ADCY2: variants seen among roughly 807,000 people sequenced by gnomAD.
ADCY2 encodes adenylate cyclase 2.
A neutral mutation model predicts 125.2 loss-of-function variants in ADCY2; 31 were observed. The ratio of observed to expected loss-of-function variants is 0.25; its 90% CI spans 0.19 to 0.33. The LOEUF (loss-of-function observed/expected upper bound fraction) is 0.33, where lower values mean the gene tolerates loss of function less well. Among genes scored for constraint, ADCY2 ranks in the 10% least tolerant of loss-of-function variants. ADCY2 has a pLI of 1.00. For missense variants in ADCY2, 904 were observed against 1,418.2 expected (o/e 0.64, Z 5.82); for synonymous variants, 512 against 548.4 (o/e 0.93, Z 0.93).
At chr5:7,630,480 A>G (rs1217711695) in intron 4 of ADCY2, among the ~76,000 whole-genome samples, 1 of 152,186 alleles carries the variant, frequency 6.6e-6, no homozygotes, top group Non-Finnish European at 1.5e-5. Flanking sequence ...CTTTATGTGT[A>G]CTGTTGTATC....
chr5:7,550,642 G>A (rs547348832), intron 3 of ADCY2, among the ~76,000 whole-genome samples: 1 of 152,216 alleles, frequency 6.6e-6, no homozygotes, highest in East Asian at 1.9e-4. Context: ...TTGCCCCACA[G>A]CCAGCATCCC....
At chr5:7,720,017 G>GA (rs34520807) in intron 12 of ADCY2, among the ~76,000 whole-genome samples, 68,259 of 150,290 alleles carry the variant, frequency 0.45, 16,475 homozygotes, top group East Asian at 0.95. Context: ...CTTGACAAAA[G>GA]AAAAAAAAAG....
intron 14 of ADCY2, among the ~76,000 whole-genome samples, chr5:7,729,343 C>G (rs1742026042): frequency 6.6e-6 from 1 of 152,094 alleles, no homozygotes; most frequent in African/African-American, 2.4e-5. Flanking sequence ...TACAATTTTC[C>G]ACCCTCTAGA....
At chr5:7,627,274 A>G (rs145627880) in intron 4 of ADCY2, among the ~76,000 whole-genome samples, 10 of 152,298 alleles carry the variant, frequency 6.6e-5, no homozygotes, top group South Asian at 2.1e-4. Context: ...AGGGAAATGT[A>G]TAGACTGCAA....
rs148709551 is a variant in ADCY2 at position 7,750,554 on chromosome 5, T to G, written c.1956+6802T>G. ...TTTCCATATTACTAAAATGCTTCCT[T>G]TTATAATCCTTCCCATGAGGGTTTG... On this transcript the variant is annotated intron_variant, in intron 15 of 24. Coordinates refer to ENST00000338316, the MANE Select transcript of ADCY2 (RefSeq NM_020546.3). Among the ~76,000 whole-genome samples, 609 of 152,374 alleles carry G rather than the reference T, an allele frequency of 4.0e-3. 1 individual carries two copies. Among genetic ancestry groups the G allele is most frequent in the African/African-American group, 0.014 (575 of 41,590 alleles).
At chr5:7,463,955 A>G (rs537254294) in intron 2 of ADCY2, among the ~76,000 whole-genome samples, 1 of 152,266 alleles carries the variant, frequency 6.6e-6, no homozygotes, top group Admixed American at 6.5e-5. Flanking sequence ...GTTTTGGTGC[A>G]TCTTATGTAA....
chr5:7,399,895 A>T (rs1739198968), intron 1 of ADCY2, among the ~76,000 whole-genome samples: 1 of 152,212 alleles, frequency 6.6e-6, no homozygotes, highest in African/African-American at 2.4e-5. Context: ...TTTAAGTCAT[A>T]AATCTTATCA....
chr5:7,525,787 G>T (rs556943757), intron 3 of ADCY2, among the ~76,000 whole-genome samples: 72 of 152,188 alleles, frequency 4.7e-4, no homozygotes, highest in South Asian at 8.3e-4. Flanking sequence ...TTGATCAACC[G>T]TAAAAAATAC....
chr5:7,737,359 G>C (rs1037366009), intron 14 of ADCY2, among the ~76,000 whole-genome samples: 1 of 152,204 alleles, frequency 6.6e-6, no homozygotes, highest in East Asian at 1.9e-4. Flanking sequence ...CTTTCTTGCA[G>C]ATGCTAGAAC....
At chr5:7,791,872 G>A (rs2126507752) in intron 20 of ADCY2, among the ~76,000 whole-genome samples, 1 of 152,210 alleles carries the variant, frequency 6.6e-6, no homozygotes, top group South Asian at 2.1e-4. Flanking sequence ...TGGTACTCCA[G>A]AAAGGCTGCC....
intron 4 of ADCY2, among the ~76,000 whole-genome samples, chr5:7,647,057 A>G (rs1485054209): frequency 1.3e-5 from 2 of 152,168 alleles, no homozygotes; most frequent in African/African-American, 4.8e-5. Context: ...CCCTGAAGAA[A>G]GGTGAGACCT....
At chr5:7,746,022 C>A (rs1742610141) in intron 15 of ADCY2, among the ~76,000 whole-genome samples, 1 of 152,208 alleles carries the variant, frequency 6.6e-6, no homozygotes, top group African/African-American at 2.4e-5. Flanking sequence ...TCTCATAGCT[C>A]CTCCTGTGGC....
At chr5:7,575,682 T>A (rs2126606352) in intron 3 of ADCY2, among the ~76,000 whole-genome samples, 1 of 152,294 alleles carries the variant, frequency 6.6e-6, no homozygotes, top group Non-Finnish European at 1.5e-5. Context: ...TTTACGCTTT[T>A]GGAAAACTGC....
intron 2 of ADCY2, among the ~76,000 whole-genome samples, chr5:7,499,715 G>GTA (rs1279594732): frequency 7.9e-6 from 1 of 127,358 alleles, no homozygotes; most frequent in Non-Finnish European, 1.7e-5. Flanking sequence ...GTATATATAT[G>GTA]TATATATATA....
chr5:7,806,209 T>A (rs1579458833), intron 22 of ADCY2, among the ~76,000 whole-genome samples: 1 of 152,212 alleles, frequency 6.6e-6, no homozygotes, highest in Non-Finnish European at 1.5e-5. Flanking sequence ...AATATTCTAT[T>A]TATAACCCAA....
intron 4 of ADCY2, among the ~76,000 whole-genome samples, chr5:7,657,616 A>G (rs1468712135): frequency 6.6e-6 from 1 of 152,212 alleles, no homozygotes; most frequent in African/African-American, 2.4e-5. Flanking sequence ...TTTTTAATGC[A>G]TAAACAAAGT....
At chr5:7,573,257 C>T (rs1736120281) in intron 3 of ADCY2, among the ~76,000 whole-genome samples, 1 of 152,090 alleles carries the variant, frequency 6.6e-6, no homozygotes, top group South Asian at 2.1e-4. Context: ...TAAGTTTTGC[C>T]CTTATTTGAA....
chr5:7,737,596 TG>T (rs1742287467), intron 14 of ADCY2, among the ~76,000 whole-genome samples: 1 of 152,130 alleles, frequency 6.6e-6, no homozygotes, highest in South Asian at 2.1e-4. Context: ...CTCTAAGAGA[TG>T]GATAGAAATA....
chr5:7,733,260 A>G (rs868725999), intron 14 of ADCY2, among the ~76,000 whole-genome samples: 2 of 152,234 alleles, frequency 1.3e-5, no homozygotes, highest in Non-Finnish European at 2.9e-5. Context: ...TTCTACTCAG[A>G]TCTCTAGTAT....
Sources: allele counts gnomAD v4.1 joint callset (sites outside exome capture counted in the v4.1 genomes callset), GRCh38; gene constraint gnomAD v4.1.1; transcripts MANE v1.5; gene names NCBI Gene and HGNC (gene_info 2026-07-23, HGNC 2026-07-21).